The following PDE10A variants were observed in gnomAD, a reference collection of about 807,000 sequenced individuals.
PDE10A encodes cAMP and cAMP-inhibited cGMP 3',5'-cyclic phosphodiesterase 10A.
Under a neutral mutation model 97.7 loss-of-function variants are expected in PDE10A, and 39 were observed. The ratio of observed to expected loss-of-function variants is 0.40; its 90% CI spans 0.31 to 0.52. The LOEUF (loss-of-function observed/expected upper bound fraction) is 0.52, where lower values mean the gene tolerates loss of function less well. PDE10A is among the 20% of genes least tolerant of loss of function. The pLI is 0.56. For synonymous variants in PDE10A, 371 were observed against 376.8 expected, an observed-to-expected ratio of 0.98 and a Z score of 0.18; for missense variants, 731 against 1,047.8, an observed-to-expected ratio of 0.70 and a Z score of 4.17.
chr6:165,782,834 A>G (rs1168994187), intron 1 of PDE10A, among the ~76,000 whole-genome samples: 1 of 152,198 alleles, frequency 6.6e-6, no homozygotes, highest in Non-Finnish European at 1.5e-5. Context: ...AAATTGTACA[A>G]TCAGATTTCA....
chr6:165,740,633 T>C (rs560535036), intron 1 of PDE10A, among the ~76,000 whole-genome samples: 29 of 152,252 alleles, frequency 1.9e-4, no homozygotes, highest in African/African-American at 6.7e-4. Flanking sequence ...ACTCCTGGCC[T>C]GTGTGATGGA....
At chr6:165,867,382 T>C (rs1461453710) in intron 1 of PDE10A, among the ~76,000 whole-genome samples, 2 of 151,658 alleles carry the variant, frequency 1.3e-5, no homozygotes, top group African/African-American at 4.8e-5. Flanking sequence ...AAAACTTCTA[T>C]CAGGCAAAAT....
intron 1 of PDE10A, among the ~76,000 whole-genome samples, chr6:165,571,443 T>C (rs940541503): frequency 6.6e-6 from 1 of 152,228 alleles, no homozygotes; most frequent in African/African-American, 2.4e-5. Flanking sequence ...AACATTCCTA[T>C]GCTTGAGAGT....
At chr6:165,615,634 C>T (rs528346436) in intron 1 of PDE10A, among the ~76,000 whole-genome samples, 2 of 152,206 alleles carry the variant, frequency 1.3e-5, no homozygotes, top group Non-Finnish European at 2.9e-5. Context: ...AGTTTTATTT[C>T]AAAAGTCCTT....
At position 165,328,019 on chromosome 6, in the gene PDE10A, T is replaced by A. The variant is rs1280549502; in HGVS notation, c.*5006A>T. 1 of 152,210 alleles carries A rather than the reference T, an allele frequency of 6.6e-6. No homozygotes were observed. The highest frequency in any genetic ancestry group is 1.5e-5 in the Non-Finnish European group (1 of 68,042). The allele number at this position is 152,210 out of a possible 1,614,324, so 9.4% of individuals were successfully genotyped here. On this transcript the variant is annotated 3_prime_UTR_variant, in exon 22 of 22. Transcript: ENST00000539869. ...AACCATCTTGTCTTCTCAGAAAGAA[T>A]GAAGATGCTGCATTTGTACAAATTT... is the stretch of plus-strand genomic sequence containing the variant.
rs958471440 is a variant in PDE10A at position 165,923,983 on chromosome 6, C to T, written c.-615+63546G>A. 5.3e-5 allele frequency among the ~76,000 whole-genome samples: 8 copies of T among 152,156 alleles called. No homozygotes were observed. In the South Asian group the frequency reaches 8.3e-4, roughly 16 times the overall value. On this transcript the variant is annotated intron_variant, in intron 1 of 19. Transcript: ENST00000366882. ...ATTGCTGGAGGCCAGGGATTCAAGA[C>T]CAGCCTGGGCAACATAGCAAGACCT...
intron 18 of PDE10A, among the ~76,000 whole-genome samples, chr6:165,361,132 A>G (rs1209260097): frequency 6.6e-6 from 1 of 152,220 alleles, no homozygotes; most frequent in Non-Finnish European, 1.5e-5. Flanking sequence ...GAGATGCCTA[A>G]GCATTAGAAG....
chr6:165,651,995 T>C (rs1177641600), intron 1 of PDE10A, among the ~76,000 whole-genome samples: 1 of 152,242 alleles, frequency 6.6e-6, no homozygotes, highest in African/African-American at 2.4e-5. Context: ...TCTGTTGCAT[T>C]AATTTGTCTA....
chr6:165,958,432 T>G (rs957515866), intron 1 of PDE10A, among the ~76,000 whole-genome samples: 12 of 147,700 alleles, frequency 8.1e-5, no homozygotes, highest in Non-Finnish European at 1.0e-4. Flanking sequence ...GCCATTGCAC[T>G]CCAGCCTGGG....
At chr6:165,449,386 A>G (rs955568527) in intron 4 of PDE10A, among the ~76,000 whole-genome samples, 11 of 152,328 alleles carry the variant, frequency 7.2e-5, no homozygotes, top group African/African-American at 2.6e-4. Context: ...TGATGTATTC[A>G]TCTATAATTG....
In PDE10A at chr6:165,452,849, G is replaced by T. The variant is rs111999942; in HGVS notation, c.1024-2487C>A. 2.7e-5 allele frequency among the ~76,000 whole-genome samples: 4 copies of T among 149,894 alleles called. 1 individual carries two copies. Among genetic ancestry groups the T allele is most frequent in the African/African-American group, 7.4e-5 (3 of 40,646 alleles). On this transcript the variant is annotated intron_variant, in intron 3 of 21. Coordinates refer to ENST00000539869, the MANE Select transcript of PDE10A (RefSeq NM_001385079.1). Reference sequence around the variant, plus strand: ...AGAACTTGAAGGAAATGGCTGTAAAGAACCTAGACTGCAATAAAGGAAGCA... The same window carrying T: ...AGAACTTGAAGGAAATGGCTGTAAATAACCTAGACTGCAATAAAGGAAGCA...
At chr6:165,693,837 G>A (rs146995015) in intron 1 of PDE10A, among the ~76,000 whole-genome samples, 13 of 152,224 alleles carry the variant, frequency 8.5e-5, no homozygotes, top group South Asian at 4.2e-4. Flanking sequence ...ACTCATTCAC[G>A]GGGCCTTCCT....
At chr6:165,721,339 G>A (rs562799514) in intron 1 of PDE10A, among the ~76,000 whole-genome samples, 2 of 152,330 alleles carry the variant, frequency 1.3e-5, no homozygotes, top group East Asian at 1.9e-4. Context: ...GGTAACGAAC[G>A]ATTTCATTGT....
chr6:165,527,149 T>A (rs758382837), intron 2 of PDE10A, among the ~76,000 whole-genome samples: 19 of 152,102 alleles, frequency 1.2e-4, no homozygotes, highest in Non-Finnish European at 1.9e-4. Flanking sequence ...CCCTCTAAGG[T>A]GAAGAATAAG....
At chr6:165,611,471 T>C (rs1282065132) in intron 1 of PDE10A, among the ~76,000 whole-genome samples, 1 of 152,230 alleles carries the variant, frequency 6.6e-6, no homozygotes, top group African/African-American at 2.4e-5. Context: ...GATACAAGCA[T>C]GTACCAGGGC....
Position 165,330,014 on chromosome 6 carries a change from G to C in PDE10A, c.*3011C>G, listed in dbSNP as rs1421363775. Reference sequence around the variant, plus strand: ...TCTAATTAATCAATTCACATTGCCCGAATTCAATATTCCATGTTATTGGCA... The same window carrying C: ...TCTAATTAATCAATTCACATTGCCCCAATTCAATATTCCATGTTATTGGCA... On this transcript the variant is annotated 3_prime_UTR_variant, in exon 22 of 22. Coordinates refer to ENST00000539869, the MANE Select transcript of PDE10A (RefSeq NM_001385079.1). 1 of 152,004 alleles carries C rather than the reference G, an allele frequency of 6.6e-6. No individual in the cohort carries two copies. The highest frequency in any genetic ancestry group is 2.4e-5 in the African/African-American group (1 of 41,374). 9.4% of individuals were successfully genotyped at this position (152,004 alleles called of 1,614,324 possible). A position where few individuals can be genotyped will look rare whatever the true frequency, so the allele number is the denominator to read the frequency against.
intron 1 of PDE10A, among the ~76,000 whole-genome samples, chr6:165,915,328 A>T (rs560541683): frequency 6.6e-6 from 1 of 152,334 alleles, no homozygotes; most frequent in South Asian, 2.1e-4. Context: ...AAATTGAACA[A>T]GTAATTTGAG....
chr6:165,925,001 T>C (rs9459533), intron 1 of PDE10A, among the ~76,000 whole-genome samples: 24,068 of 147,594 alleles, frequency 0.16, 2,088 homozygotes, highest in Non-Finnish European at 0.2. Context: ...AGGGGAAATG[T>C]TGGCACACCT....
At chr6:165,535,478 T>C (rs1270932453) in intron 2 of PDE10A, among the ~76,000 whole-genome samples, 2 of 151,932 alleles carry the variant, frequency 1.3e-5, no homozygotes, top group Non-Finnish European at 2.9e-5. Context: ...ATACAATATG[T>C]GATTTCCATT....
Sources: gnomAD v4.1 joint callset for allele counts (sites outside exome capture counted in the v4.1 genomes callset) on GRCh38, gnomAD v4.1.1 for gene constraint, MANE v1.5 for transcripts, NCBI Gene and HGNC (gene_info 2026-07-23, HGNC 2026-07-21) for gene names.